The following TNNI3K variants were observed in gnomAD, a reference collection of about 807,000 sequenced individuals.
The protein encoded by TNNI3K is serine/threonine-protein kinase TNNI3K.
A neutral mutation model predicts 114.5 loss-of-function variants in TNNI3K; 140 were observed. The ratio of observed to expected loss-of-function variants is 1.22; its 90% CI spans 1.07 to 1.41. TNNI3K has a LOEUF of 1.41. TNNI3K is among the 40% of genes most tolerant of loss of function. The pLI, the probability that TNNI3K is intolerant of heterozygous loss-of-function variation, is 0.00. For missense variants in TNNI3K, 1,125 were observed against 1,007.6 expected (o/e 1.12, Z -1.58); for synonymous variants, 347 against 347.5 (o/e 1.00, Z 0.02).
chr1:74,407,905 G>T (rs567214480), intron 17 of TNNI3K, among the ~76,000 whole-genome samples: 3 of 152,162 alleles, frequency 2.0e-5, no homozygotes, highest in East Asian at 3.9e-4. Context: ...GACCCTACAG[G>T]TATATGCCCA....
rs545030429 is a variant in TNNI3K, at chr1:74,429,133, C to G, written c.1773-6947C>G. Among the ~76,000 whole-genome samples the G allele has an allele frequency of 2.0e-5, 3 of 152,210 alleles. No individual in the cohort carries two copies. In the South Asian group the frequency reaches 6.2e-4, roughly 32 times the overall value. ...AGGAGCTAATCTCCCTGAGCCCAAA[C>G]GTACTGTCTCTGTTATCCTGGGGCT... On this transcript the variant is annotated intron_variant, in intron 17 of 24. Coordinates refer to ENST00000326637, the MANE Select transcript of TNNI3K (RefSeq NM_015978.3).
chr1:74,285,494 T>C (rs1657272240), intron 5 of TNNI3K, among the ~76,000 whole-genome samples: 1 of 149,792 alleles, frequency 6.7e-6, no homozygotes, highest in South Asian at 2.1e-4. Context: ...GATCCATCTA[T>C]CCTGAAGTTT....
At chr1:74,509,708 A>G (rs1253473990) in intron 23 of TNNI3K, among the ~76,000 whole-genome samples, 2 of 141,290 alleles carry the variant, frequency 1.4e-5, no homozygotes, top group East Asian at 2.1e-4. Flanking sequence ...TTTGAAAGGT[A>G]CCTATGAACT....
At chr1:74,367,180 A>G (rs958575143) in intron 11 of TNNI3K, 76 bp from the exon 12 acceptor site, 2 of 1,450,580 alleles carry the variant, frequency 1.4e-6, no homozygotes, top group Non-Finnish European at 9.5e-7. Flanking sequence ...ACTTCCAATA[A>G]TTTTTGGATT....
chr1:74,385,636 A>G (rs547848030), intron 17 of TNNI3K, among the ~76,000 whole-genome samples: 1 of 152,300 alleles, frequency 6.6e-6, no homozygotes, highest in South Asian at 2.1e-4. Flanking sequence ...GTTTACTAAG[A>G]TGGCATTGAT....
chr1:74,256,522 C>A (rs768253590), intron 4 of TNNI3K, among the ~76,000 whole-genome samples: 5 of 151,618 alleles, frequency 3.3e-5, no homozygotes, highest in Non-Finnish European at 5.9e-5. Context: ...TAATACAATT[C>A]TTTTCTTGAA....
At chr1:74,419,055 A>G (rs539451803) in intron 17 of TNNI3K, among the ~76,000 whole-genome samples, 1 of 152,206 alleles carries the variant, frequency 6.6e-6, no homozygotes, top group East Asian at 1.9e-4. Context: ...AATTATCAAA[A>G]GTTGGTGGCT....
At chr1:74,408,486 T>C (rs901529161) in intron 17 of TNNI3K, among the ~76,000 whole-genome samples, 5 of 152,208 alleles carry the variant, frequency 3.3e-5, no homozygotes, top group Non-Finnish European at 7.3e-5. Flanking sequence ...AGCTAAACAA[T>C]GTGGTTCCTG....
intron 20 of TNNI3K, among the ~76,000 whole-genome samples, chr1:74,448,047 G>A (rs1666782242): frequency 1.4e-5 from 1 of 69,238 alleles, no homozygotes; most frequent in Non-Finnish European, 2.7e-5. Flanking sequence ...ACTCATAGGT[G>A]GGAATTGAAC....
intron 20 of TNNI3K, among the ~76,000 whole-genome samples, chr1:74,448,401 G>C (rs61776254): frequency 6.8e-6 from 1 of 147,130 alleles, no homozygotes; most frequent in Admixed American, 6.7e-5. Context: ...CAATCATGTC[G>C]TCTGCAAACA....
At chr1:74,270,535 C>T (rs1187953887) in intron 4 of TNNI3K, among the ~76,000 whole-genome samples, 2 of 151,738 alleles carry the variant, frequency 1.3e-5, no homozygotes, top group Non-Finnish European at 2.9e-5. Flanking sequence ...ATTAATTTTA[C>T]TATTTGTAGC....
At chr1:74,496,399 A>T (rs1339331336) in intron 23 of TNNI3K, among the ~76,000 whole-genome samples, 1 of 152,114 alleles carries the variant, frequency 6.6e-6, no homozygotes, top group Non-Finnish European at 1.5e-5. Context: ...TTAAAATGTA[A>T]TTTTTTAGTA....
At chr1:74,486,201 A>AGAGAGAGAGAG (rs1668751420) in intron 21 of TNNI3K, among the ~76,000 whole-genome samples, 7 of 136,412 alleles carry the variant, frequency 5.1e-5, no homozygotes, top group African/African-American at 7.9e-5. Context: ...AAATGCTATA[A>AGAGAGAGAGAG]AGAGAGAGAG....
chr1:74,480,594 T>C (rs1198284951), intron 21 of TNNI3K: 1 of 717,264 alleles, frequency 1.4e-6, no homozygotes, highest in East Asian at 2.7e-5. Flanking sequence ...CTGTGGAGAT[T>C]CGTGCCTCCG....
chr1:74,383,805 A>G (rs1211137614), intron 17 of TNNI3K, among the ~76,000 whole-genome samples: 4 of 152,140 alleles, frequency 2.6e-5, no homozygotes, highest in Admixed American at 6.6e-5. Flanking sequence ...ATTGAACTCA[A>G]TGCTTTACAG....
At chr1:74,409,216 T>C (rs560113011) in intron 17 of TNNI3K, among the ~76,000 whole-genome samples, 1 of 152,130 alleles carries the variant, frequency 6.6e-6, no homozygotes, top group Non-Finnish European at 1.5e-5. Context: ...GTCATGTAAC[T>C]AGGAAGTCCA....
intron 23 of TNNI3K, among the ~76,000 whole-genome samples, chr1:74,502,969 A>T (rs1669710722): frequency 6.6e-6 from 1 of 152,220 alleles, no homozygotes; most frequent in Non-Finnish European, 1.5e-5. Flanking sequence ...CTAGGAACTT[A>T]ACTGAAGTGA....
chr1:74,345,108 T>C (rs1294594595), intron 9 of TNNI3K, among the ~76,000 whole-genome samples: 5 of 152,176 alleles, frequency 3.3e-5, no homozygotes, highest in African/African-American at 1.2e-4. Flanking sequence ...TGTGCATATA[T>C]TCAGAACTCA....
intron 6 of TNNI3K, among the ~76,000 whole-genome samples, chr1:74,334,921 T>C (rs191014651): frequency 4.6e-5 from 7 of 152,308 alleles, no homozygotes; most frequent in African/African-American, 1.4e-4. Context: ...ACAAGAGAGT[T>C]GATACTAAAG....
Sources: allele counts gnomAD v4.1 joint callset (sites outside exome capture counted in the v4.1 genomes callset), GRCh38; gene constraint gnomAD v4.1.1; transcripts MANE v1.5; gene names NCBI Gene and HGNC (gene_info 2026-07-23, HGNC 2026-07-21).